Variants in EHBP1 observed in about 807,000 individuals in gnomAD.
EHBP1 encodes EH domain binding protein 1.
A neutral mutation model predicts 144.0 loss-of-function variants in EHBP1; 55 were observed. The observed-to-expected ratio is 0.38, with a 90% CI of 0.31 to 0.48. The LOEUF is 0.48. Among genes scored for constraint, EHBP1 ranks in the 20% least tolerant of loss-of-function variants. The pLI is 0.98. For missense variants in EHBP1, 1,200 were observed against 1,364.2 expected (o/e 0.88, Z 1.90); for synonymous variants, 469 against 472.7 (o/e 0.99, Z 0.10).
At chr2:62,876,815 A>G (rs2050922599) in intron 10 of EHBP1, among the ~76,000 whole-genome samples, 1 of 152,192 alleles carries the variant, frequency 6.6e-6, no homozygotes, top group South Asian at 2.1e-4. Flanking sequence ...AACCTGCCCC[A>G]TGATCCAGTC....
chr2:62,928,031 T>TAC (rs2055669752), intron 10 of EHBP1, among the ~76,000 whole-genome samples: 1 of 152,028 alleles, frequency 6.6e-6, no homozygotes, highest in Non-Finnish European at 1.5e-5. Context: ...ACAAAAGACT[T>TAC]AGAGAAAAAT....
intron 6 of EHBP1, among the ~76,000 whole-genome samples, chr2:62,829,440 C>A (rs1005910771): frequency 2.0e-5 from 3 of 151,824 alleles, no homozygotes; most frequent in African/African-American, 7.3e-5. Flanking sequence ...CTCCCACTTA[C>A]ACGTGAGAAC....
intron 20 of EHBP1, among the ~76,000 whole-genome samples, 160 bp downstream of exon 20, chr2:63,037,794 A>C (rs1441969215): frequency 3.3e-5 from 5 of 152,114 alleles, no homozygotes; most frequent in South Asian, 4.1e-4. Context: ...GACAGTTTTC[A>C]TCTTATAAGA....
At chr2:62,879,318 A>C (rs2051164270) in intron 10 of EHBP1, among the ~76,000 whole-genome samples, 1 of 152,134 alleles carries the variant, frequency 6.6e-6, no homozygotes, top group Non-Finnish European at 1.5e-5. Context: ...AAGAAATAGA[A>C]ACAATCCAAA....
At chr2:62,819,750 C>T (rs1408655303) in intron 5 of EHBP1, among the ~76,000 whole-genome samples, 5 of 147,688 alleles carry the variant, frequency 3.4e-5, no homozygotes, top group East Asian at 2.0e-4. Context: ...GGTGACAGAG[C>T]GAGACTCCAG....
chr2:63,007,315 TG>T (rs1484275061), intron 19 of EHBP1, among the ~76,000 whole-genome samples: 1 of 151,914 alleles, frequency 6.6e-6, no homozygotes, highest in Non-Finnish European at 1.5e-5. Flanking sequence ...TAGTTTTAGT[TG>T]TAACTATTTA....
At chr2:62,796,062 T>C (rs1262999392) in intron 5 of EHBP1, among the ~76,000 whole-genome samples, 1 of 151,818 alleles carries the variant, frequency 6.6e-6, no homozygotes, top group Admixed American at 6.6e-5. Flanking sequence ...CTCTTTAATA[T>C]AATTTGTCCT....
chr2:62,955,522 A>G lies in EHBP1; in HGVS notation c.2322A>G (p.Arg774=), dbSNP rs776227162. The change falls in exon 14 of 23, where the codon CGA becomes CGG. Residue 774 remains arginine (R), a synonymous_variant. Transcript: ENST00000431489. ...TCTGTATCTTTGCTTTTAAGCATCG[A>G]TTGTTATCTAGACAAGAAGAACTTA... ...ADHSSKIVQH[R]LLSRQEELKE... 3 of 1,605,466 alleles carry G rather than the reference A, an allele frequency of 1.9e-6. No individual in the cohort carries two copies. In the South Asian group the frequency reaches 3.4e-5, roughly 18 times the overall value.
intron 2 of EHBP1, among the ~76,000 whole-genome samples, chr2:62,725,808 A>G (rs1243796456): frequency 6.6e-6 from 1 of 152,130 alleles, no homozygotes. Flanking sequence ...GGGGGTTGTC[A>G]TGATTGGAGG....
intron 9 of EHBP1, among the ~76,000 whole-genome samples, chr2:62,871,333 C>G (rs1176697680): frequency 6.6e-6 from 1 of 152,162 alleles, no homozygotes; most frequent in Non-Finnish European, 1.5e-5. Context: ...TTTGGCCATT[C>G]TTTTTCCACA....
chr2:62,823,092 G>T (rs555037583), intron 5 of EHBP1, among the ~76,000 whole-genome samples: 106 of 152,104 alleles, frequency 7.0e-4, no homozygotes, highest in African/African-American at 2.5e-3. Flanking sequence ...AGATTCCTAG[G>T]TCCATCTTTA....
At chr2:62,773,719 C>T (rs367786892) in intron 5 of EHBP1, among the ~76,000 whole-genome samples, 6 of 151,340 alleles carry the variant, frequency 4.0e-5, no homozygotes, top group East Asian at 3.9e-4. Flanking sequence ...GGCTTGGTGG[C>T]GTGCGCCTGT....
At chr2:62,810,220 A>C (rs1479649885) in intron 5 of EHBP1, among the ~76,000 whole-genome samples, 2 of 152,156 alleles carry the variant, frequency 1.3e-5, no homozygotes, top group Admixed American at 6.5e-5. Flanking sequence ...TCTGTGGTGA[A>C]TTTTCTTATG....
At chr2:62,775,944 G>A (rs2042026139) in intron 5 of EHBP1, among the ~76,000 whole-genome samples, 1 of 152,150 alleles carries the variant, frequency 6.6e-6, no homozygotes. Context: ...ATTTGAAATT[G>A]TAGAATCATA....
chr2:62,829,687 A>T (rs1293885762), intron 6 of EHBP1, among the ~76,000 whole-genome samples: 1 of 146,620 alleles, frequency 6.8e-6, no homozygotes, highest in African/African-American at 2.5e-5. Flanking sequence ...TTGTGTATAT[A>T]TAATATATAA....
intron 10 of EHBP1, among the ~76,000 whole-genome samples, chr2:62,908,799 T>A (rs1574007829): frequency 6.6e-6 from 1 of 152,334 alleles, no homozygotes; most frequent in East Asian, 1.9e-4. Flanking sequence ...TTAAATTTGC[T>A]TTATGGCCCA....
At chr2:62,888,199 TCA>T (rs1410685369) in intron 10 of EHBP1, among the ~76,000 whole-genome samples, 1 of 152,180 alleles carries the variant, frequency 6.6e-6, no homozygotes. Flanking sequence ...TCCCCTTGAC[TCA>T]CACTAGTCCC....
chr2:62,760,939 C>G (rs1021807016), intron 3 of EHBP1, among the ~76,000 whole-genome samples: 3 of 152,110 alleles, frequency 2.0e-5, no homozygotes, highest in Non-Finnish European at 4.4e-5. Flanking sequence ...CTTGTCTTTT[C>G]TGCTGGGGAT....
intron 7 of EHBP1, among the ~76,000 whole-genome samples, chr2:62,831,721 C>T (rs553431756): frequency 1.3e-5 from 2 of 152,274 alleles, no homozygotes; most frequent in South Asian, 2.1e-4. Flanking sequence ...TTGGCTATCA[C>T]ACTTAAGCAA....
Sources: allele counts gnomAD v4.1 joint callset (sites outside exome capture counted in the v4.1 genomes callset), GRCh38; gene constraint gnomAD v4.1.1; transcripts MANE v1.5; gene names NCBI Gene and HGNC (gene_info 2026-07-23, HGNC 2026-07-21).